Variants in SEMA3F observed in about 807,000 individuals in gnomAD.
SEMA3F encodes the protein semaphorin 3F, also known as semaphorin-3F.
Under a neutral mutation model 98.5 loss-of-function variants are expected in SEMA3F, and 30 were observed. The ratio of observed to expected loss-of-function variants is 0.30; its 90% CI spans 0.23 to 0.41. The LOEUF (loss-of-function observed/expected upper bound fraction) is 0.41. SEMA3F is among the 10% of genes least tolerant of loss of function. The pLI, the probability that SEMA3F is intolerant of heterozygous loss-of-function variation, is 1.00. For synonymous variants in SEMA3F, 380 were observed against 444.8 expected (o/e 0.85, Z 1.83); for missense variants, 866 against 1,119.3 (o/e 0.77, Z 3.23).
At chr3:50,168,666 C>T (rs535045026) in intron 2 of SEMA3F, among the ~76,000 whole-genome samples, 1 of 152,296 alleles carries the variant, frequency 6.6e-6, no homozygotes, top group East Asian at 1.9e-4. Flanking sequence ...AGGGGGCCAG[C>T]CCAGTCCCCA....
intron 6 of SEMA3F, among the ~76,000 whole-genome samples, chr3:50,176,428 G>A (rs190218407): frequency 5.3e-5 from 8 of 152,284 alleles, no homozygotes; most frequent in African/African-American, 1.7e-4. Context: ...GGGGGCCTTG[G>A]CCAGTGTCTT....
chr3:50,178,998 A>G (rs1205219440), intron 7 of SEMA3F, among the ~76,000 whole-genome samples: 3 of 151,484 alleles, frequency 2.0e-5, no homozygotes, highest in Non-Finnish European at 4.4e-5. Context: ...TACCCAGCTA[A>G]TTTTTAGTAG....
upstream of SEMA3F, chr3:50,155,321 C>G (rs1472145756): frequency 3.2e-6 from 1 of 308,916 alleles, no homozygotes; most frequent in East Asian, 5.6e-5. This position sits in a 1 kb window ranked among gnomAD's most constrained non-coding sequence, Gnocchi z 4.9. Context: ...GGGAGGCGGC[C>G]CCGAGCGCCC....
Position 50,173,943 on chromosome 3 carries a change from A to C in SEMA3F, c.263A>C (p.Glu88Ala), listed in dbSNP as rs1428624431. 1 of 1,614,084 alleles carries C rather than the reference A, an allele frequency of 6.2e-7. No homozygotes were observed. The highest frequency in any genetic ancestry group is 1.7e-5 in the Admixed American group (1 of 60,026). The change falls in exon 3 of 19, where the codon GAG becomes GCG. Residue 88 changes from glutamate (E) to alanine (A), a missense_variant. Transcript: ENST00000002829. Reference protein sequence around the residue: ...LSLDLHDINREPLIIHWAASP... With the variant: ...LSLDLHDINRAPLIIHWAASP... The stretch of plus-strand genomic sequence containing the variant: ...CTGGACCTGCACGACATCAACCGCG[A>C]GCCCCTCATTGTAAGGGCTGGCCCT...
At chr3:50,163,839 G>A (rs1444667963) in intron 2 of SEMA3F, among the ~76,000 whole-genome samples, 1 of 152,186 alleles carries the variant, frequency 6.6e-6, no homozygotes, top group East Asian at 1.9e-4. Context: ...AGCCAGGGAG[G>A]GTAGGTGTTC....
rs968011290 is a variant in SEMA3F, at chr3:50,182,389, C to G, written c.749C>G (p.Ser250Cys). 1 of 1,613,808 alleles carries G rather than the reference C, an allele frequency of 6.2e-7. No individual in the cohort carries two copies. The highest frequency in any genetic ancestry group is 1.3e-5 in the African/African-American group (1 of 74,938). The change falls in exon 8 of 19, where the codon TCC (serine) becomes TGC (cysteine). Residue 250 changes from serine (S) to cysteine (C), a missense_variant. Around this residue, in one of 3 missense-constraint regions of SEMA3F, gnomAD observed 374 missense variants for 582.8 expected, o/e 0.64. Transcript: ENST00000002829. This position sits in a 1 kb window ranked among gnomAD's most constrained non-coding sequence, Gnocchi z 4.5. ...GCCATGCGCACGGATCAGTACAACT[C>G]CCGGTGGCTGAACGGTAAGCGCAGC... ...QTAMRTDQYN[S>C]RWLNDPSFIH... is the part of the protein sequence containing the mutation.
At chr3:50,159,544 C>T in intron 1 of SEMA3F, 31 bp from the exon 2 acceptor site, 1 of 844,616 alleles carries the variant, frequency 1.2e-6, no homozygotes, top group Non-Finnish European at 1.9e-6. Flanking sequence ...CCATCTGCCT[C>T]ACACATTCCA....
Position 50,182,881 on chromosome 3 carries a change from C to T in SEMA3F, c.904-23C>T, listed in dbSNP as rs930412976. The T allele has an allele frequency of 3.2e-5, 52 of 1,611,688 alleles. No individual in the cohort carries two copies. Among genetic ancestry groups the T allele is most frequent in the South Asian group, 1.3e-4 (12 of 91,018 alleles). Reference sequence around the variant, plus strand: ...CTTGGGGTCAAGAGCTGATCTGACCCGGCCTCTTGCCCCACCCCCCAGAAC... The same window carrying T: ...CTTGGGGTCAAGAGCTGATCTGACCTGGCCTCTTGCCCCACCCCCCAGAAC... On this transcript the variant is annotated intron_variant, in intron 9 of 18. Coordinates refer to ENST00000002829, the MANE Select transcript of SEMA3F (RefSeq NM_004186.5). The surrounding 1 kb of genome is among the most constrained non-coding windows in gnomAD (Gnocchi z 4.5).
intron 18 of SEMA3F, 35 bp from the exon 19 acceptor site, chr3:50,187,670 C>G: frequency 6.5e-7 from 1 of 1,538,570 alleles, no homozygotes; most frequent in Non-Finnish European, 8.8e-7. Context: ...AGGGTGGTCA[C>G]AGAGCCTCTG....
At chr3:50,171,480 G>A (rs1048569452) in intron 2 of SEMA3F, among the ~76,000 whole-genome samples, 3 of 152,042 alleles carry the variant, frequency 2.0e-5, no homozygotes, top group East Asian at 3.9e-4. Context: ...GTCTGAAGGC[G>A]CCCACTTAAG....
At chr3:50,162,882 G>A (rs898579698) in intron 2 of SEMA3F, among the ~76,000 whole-genome samples, 6 of 152,202 alleles carry the variant, frequency 3.9e-5, no homozygotes, top group Non-Finnish European at 7.4e-5. Context: ...CACCCTGCCA[G>A]GGGAGGTCAG....
intron 7 of SEMA3F, among the ~76,000 whole-genome samples, chr3:50,178,833 T>C (rs1370457188): frequency 4.4e-5 from 6 of 135,164 alleles, no homozygotes; most frequent in African/African-American, 8.2e-5. Context: ...CTTTTTCTTT[T>C]TTTTTTTTTT....
chr3:50,167,217 T>C (rs1277972340), intron 2 of SEMA3F, among the ~76,000 whole-genome samples: 2 of 152,134 alleles, frequency 1.3e-5, no homozygotes, highest in African/African-American at 4.8e-5. Flanking sequence ...AAGTTCCAAG[T>C]GGGACGTCTA....
chr3:50,170,369 C>T (rs962975796), intron 2 of SEMA3F, among the ~76,000 whole-genome samples: 13 of 152,178 alleles, frequency 8.5e-5, no homozygotes, highest in African/African-American at 3.1e-4. Context: ...TGCCTTATAG[C>T]CCTCTCTGCT....
intron 2 of SEMA3F, among the ~76,000 whole-genome samples, chr3:50,160,343 T>C (rs1295180265): frequency 6.6e-6 from 1 of 152,188 alleles, no homozygotes; most frequent in African/African-American, 2.4e-5. Context: ...CCTGAGCTCC[T>C]GAGCTCCAGT....
At chr3:50,180,796 G>A (rs1211833304) in intron 7 of SEMA3F, among the ~76,000 whole-genome samples, 1 of 152,220 alleles carries the variant, frequency 6.6e-6, no homozygotes, top group Non-Finnish European at 1.5e-5. Context: ...GCAAGGCGCG[G>A]TGGCTCATGC....
At chr3:50,170,628 A>G (rs1417716230) in intron 2 of SEMA3F, among the ~76,000 whole-genome samples, 1 of 152,098 alleles carries the variant, frequency 6.6e-6, no homozygotes, top group Non-Finnish European at 1.5e-5. Context: ...TTTGAATATC[A>G]GTACCAGGAG....
Position 50,156,799 on chromosome 3 carries a change from G to A in SEMA3F, c.-49+1235G>A, listed in dbSNP as rs935161232. On this transcript the variant is annotated intron_variant, in intron 1 of 18. Coordinates refer to ENST00000002829, the MANE Select transcript of SEMA3F (RefSeq NM_004186.5). This position sits in a 1 kb window ranked among gnomAD's most constrained non-coding sequence, Gnocchi z 4.5. ...AGAAAGCAGGGGCCAGAGAGAAGGCGGCAGCCCACCCAGCCTCAGCCCCTC... is the reference window on the plus strand; with the variant it reads ...AGAAAGCAGGGGCCAGAGAGAAGGCAGCAGCCCACCCAGCCTCAGCCCCTC... 2.8e-4 allele frequency among the ~76,000 whole-genome samples: 43 copies of A among 152,182 alleles called. No individual in the cohort carries two copies. The highest frequency in any genetic ancestry group is 2.8e-3 in the Admixed American group (43 of 15,280).
At chr3:50,164,283 G>T (rs1698322647) in intron 2 of SEMA3F, among the ~76,000 whole-genome samples, 1 of 152,208 alleles carries the variant, frequency 6.6e-6, no homozygotes, top group African/African-American at 2.4e-5. Flanking sequence ...AGGAGCTGGT[G>T]CATGCTCAAG....
Sources: allele counts gnomAD v4.1 joint callset (sites outside exome capture counted in the v4.1 genomes callset), GRCh38; gene constraint gnomAD v4.1.1; regional missense constraint gnomAD v4.1.1; non-coding constraint Gnocchi (gnomAD v3.1); transcripts MANE v1.5; gene names NCBI Gene and HGNC (gene_info 2026-07-23, HGNC 2026-07-21).